PTPA: variants seen among roughly 807,000 people sequenced by gnomAD.
PTPA encodes protein phosphatase 2 phosphatase activator.
A neutral mutation model predicts 43.6 loss-of-function variants in PTPA; 13 were observed. The observed-to-expected ratio is 0.30, with a 90% CI of 0.19 to 0.47. PTPA has a LOEUF of 0.47. Ranked by LOEUF, PTPA falls within the 20% of genes least tolerant of loss-of-function variation. PTPA has a pLI of 0.99. For synonymous variants in PTPA, 172 were observed against 158.2 expected (o/e 1.09, Z -0.66); for missense variants, 329 against 411.9 (o/e 0.80, Z 1.74).
rs1038224596 is a variant in PTPA, at chr9:129,143,050, G to A, written c.894+498G>A. ...TTGGCATTTTTATGGACCGCTTCAG[G>A]GATTTTGATGCAAATGGTTTTCCCT... On this transcript the variant is annotated intron_variant, in intron 9 of 9. Coordinates refer to ENST00000393370, the MANE Select transcript of PTPA (RefSeq NM_178000.3). 8.8e-6 allele frequency: 7 copies of A among 795,866 alleles called. No homozygotes were observed. In the African/African-American group the frequency reaches 1.0e-4, roughly 12 times the overall value. The allele number at this position is 795,866 out of a possible 1,614,324, so 49.3% of individuals were successfully genotyped here.
At chr9:129,147,287 G>A in intron 9 of PTPA, 100 bp from the exon 10 acceptor site, 1 of 1,228,256 alleles carries the variant, frequency 8.1e-7, no homozygotes, top group South Asian at 1.3e-5. Context: ...GCTACTTCCT[G>A]GGCCCGGGAT....
At chr9:129,128,945 C>T in intron 3 of PTPA, 40 bp from the exon 4 acceptor site, 1 of 1,609,886 alleles carries the variant, frequency 6.2e-7, no homozygotes, top group Non-Finnish European at 8.5e-7. Context: ...GCGGGAGCCA[C>T]TTGCTCTGTA....
intron 1 of PTPA, among the ~76,000 whole-genome samples, chr9:129,113,103 C>CT (rs1366892441): frequency 3.3e-5 from 5 of 150,416 alleles, no homozygotes; most frequent in Non-Finnish European, 7.4e-5. Flanking sequence ...TTTTGTGTTT[C>CT]TTTTTTTTGA....
At chr9:129,126,287 G>A (rs1220572685) in intron 3 of PTPA, among the ~76,000 whole-genome samples, 8 of 151,628 alleles carry the variant, frequency 5.3e-5, no homozygotes, top group South Asian at 2.1e-4. Context: ...TCCGCCTCCC[G>A]GGTTCAAACG....
intron 6 of PTPA, among the ~76,000 whole-genome samples, chr9:129,135,450 T>C (rs977043016): frequency 6.6e-6 from 1 of 152,186 alleles, no homozygotes; most frequent in Admixed American, 6.5e-5. Context: ...GTTGACCATA[T>C]GGAGGAAGAA....
chr9:129,134,324 T>TTTTG (rs1554733072), intron 5 of PTPA, among the ~76,000 whole-genome samples: 5 of 96,354 alleles, frequency 5.2e-5, no homozygotes, highest in Non-Finnish European at 8.4e-5. Flanking sequence ...TTTTTTTTTT[T>TTTTG]GAGACAGTCT....
At chr9:129,143,478 T>G in intron 9 of PTPA, 1 of 702,094 alleles carries the variant, frequency 1.4e-6, no homozygotes, top group Non-Finnish European at 2.6e-6. Context: ...CTCCAGGTCT[T>G]CATTGGACCC....
In PTPA at chr9:129,134,867, T is replaced by G; in HGVS notation, c.533T>G (p.Ile178Arg). The part of the protein sequence containing the change: ...KIGVLRVDDQ[I>R]AIVFKVFNRY... ...GGGGTGCTCCGGGTGGATGACCAAA[T>G]AGCTATTGTCTTCAAGGTGTTCAAT... is the stretch of plus-strand genomic sequence containing the variant. Residue 178 changes from isoleucine to arginine, a missense_variant, in exon 6 of 10, where the codon ATA becomes AGA. Physicochemically the swap from Ile to Arg is moderately conservative, Grantham distance 97. Transcript: ENST00000393370. 5 of 1,613,774 alleles carry G rather than the reference T, an allele frequency of 3.1e-6. No homozygotes were observed. Among genetic ancestry groups the G allele is most frequent in the Non-Finnish European group, 4.2e-6 (5 of 1,179,906 alleles).
intron 5 of PTPA, among the ~76,000 whole-genome samples, chr9:129,134,296 CTTTTTTTTTTTT>C (rs68089837): frequency 3.3e-4 from 19 of 56,886 alleles, no homozygotes; most frequent in Non-Finnish European, 4.2e-4. Flanking sequence ...ACTGGTAGTT[CTTTTTTTTTTTT>C]TTTTTTTTTT....
intron 8 of PTPA, 189 bp from the exon 9 acceptor site, chr9:129,142,256 T>C (rs902264710): frequency 2.0e-6 from 1 of 487,912 alleles, no homozygotes; most frequent in East Asian, 3.3e-5. Context: ...CACTTGCATG[T>C]GCCTGTTTGT....
rs1588517322 is a variant in PTPA at position 129,134,948 on chromosome 9, C to T, written c.560+54C>T. The T allele has an allele frequency of 8.9e-6, 13 of 1,455,570 alleles. No homozygotes were observed. In the African/African-American group the frequency reaches 1.3e-4, roughly 14 times the overall value. The allele number at this position is 1,455,570 out of a possible 1,614,324, so 90.2% of individuals were successfully genotyped here. On this transcript the variant is annotated intron_variant, in intron 6 of 9. Coordinates refer to ENST00000393370, the MANE Select transcript of PTPA (RefSeq NM_178000.3). ...AGGGGGCGTGAGGGGCCATCTGTTT[C>T]CTCCTCAAACTGGGAAATGGGGTGC...
At chr9:129,140,304 C>T (rs1410214533) in intron 8 of PTPA, among the ~76,000 whole-genome samples, 3 of 152,206 alleles carry the variant, frequency 2.0e-5, no homozygotes, top group Non-Finnish European at 4.4e-5. Flanking sequence ...AGCCCCGATT[C>T]CTTTTTCTCC....
chr9:129,111,006 C>T (rs988411546), upstream of PTPA: 66 of 1,370,922 alleles, frequency 4.8e-5, no homozygotes, highest in Non-Finnish European at 5.9e-5. Context: ...TCTCCCCTGT[C>T]CCCACATGTC....
chr9:129,125,782 C>G (rs552908732), intron 3 of PTPA, among the ~76,000 whole-genome samples: 90 of 152,272 alleles, frequency 5.9e-4, no homozygotes, highest in Non-Finnish European at 1.2e-3. Flanking sequence ...TAAATAAATA[C>G]TTCGATTGTT....
intron 1 of PTPA, among the ~76,000 whole-genome samples, chr9:129,113,086 A>T (rs1240152396): frequency 6.7e-6 from 1 of 149,950 alleles, no homozygotes; most frequent in Non-Finnish European, 1.5e-5. Flanking sequence ...AAAAAATCTC[A>T]TAATGGTTTT....
intron 9 of PTPA, among the ~76,000 whole-genome samples, chr9:129,143,979 C>G (rs1413700973): frequency 1.3e-4 from 20 of 151,660 alleles, no homozygotes. Context: ...CAACCCCAAC[C>G]CTTGTGTGCC....
At chr9:129,125,897 C>G (rs1201360854) in intron 3 of PTPA, among the ~76,000 whole-genome samples, 1 of 152,112 alleles carries the variant, frequency 6.6e-6, no homozygotes, top group African/African-American at 2.4e-5. Flanking sequence ...GACTGTAATC[C>G]TAGCACCTTG....
intron 4 of PTPA, 69 bp from the exon 5 acceptor site, chr9:129,131,453 C>T (rs888533281): frequency 2.8e-6 from 4 of 1,425,242 alleles, no homozygotes; most frequent in Non-Finnish European, 3.0e-6. Context: ...CAGGTGCTGC[C>T]CCTGGGCACC....
chr9:129,134,764 A>T, intron 5 of PTPA, 31 bp from the exon 6 acceptor site: 1 of 1,545,478 alleles, frequency 6.5e-7, no homozygotes, highest in Non-Finnish European at 8.9e-7. Flanking sequence ...TACCTGGACT[A>T]CTGTCAACGC....
Sources: allele counts gnomAD v4.1 joint callset (sites outside exome capture counted in the v4.1 genomes callset), GRCh38; gene constraint gnomAD v4.1.1; transcripts MANE v1.5; gene names NCBI Gene and HGNC (gene_info 2026-07-23, HGNC 2026-07-21).